Variants in WHRN observed in about 807,000 individuals in gnomAD.
WHRN encodes the protein CASK-interacting protein CIP98.
WHRN carries 41 observed loss-of-function variants against 68.3 expected under a neutral mutation model. The ratio of observed to expected loss-of-function variants is 0.60; its 90% CI spans 0.47 to 0.78. The LOEUF is 0.78. Among genes scored for constraint, WHRN ranks in the 30% least tolerant of loss-of-function variants. WHRN has a pLI of 0.00. For missense variants in WHRN, 1,243 were observed against 1,244.7 expected (o/e 1.00, Z 0.02); for synonymous variants, 560 against 561.3 (o/e 1.00, Z 0.03).
At chr9:114,442,764 A>T (rs568634347) in intron 3 of WHRN, among the ~76,000 whole-genome samples, 19 of 152,284 alleles carry the variant, frequency 1.2e-4, no homozygotes, top group African/African-American at 4.6e-4. Context: ...AAGCTTCCTG[A>T]GGTCCTCACC....
intron 7 of WHRN, among the ~76,000 whole-genome samples, chr9:114,416,669 C>T (rs192416362): frequency 2.2e-4 from 34 of 152,308 alleles, no homozygotes; most frequent in African/African-American, 7.7e-4. Context: ...TCAATTAAAC[C>T]TCTTTTCTTC....
rs143763650 is a variant in WHRN, at chr9:114,403,930, C to T, written c.2384G>A (p.Arg795Gln). 2.2e-4 allele frequency: 360 copies of T among 1,611,128 alleles called. 4 individuals are homozygous for T. Among genetic ancestry groups the T allele is most frequent in the South Asian group, 2.1e-3 (191 of 91,074 alleles). ...TKSRSSKELP[R>Q]NERPTDGANK... ...GGCCCCATCTGTGGGCCTCTCGTTC[C>T]GAGGCAGCTCCTTGCTACTCCTGCT... Residue 795 changes from arginine to glutamine, a missense_variant, in exon 10 of 12, where the codon CGG (arginine) becomes CAG (glutamine). By Grantham distance (43) the Arg-to-Gln change is conservative. Coordinates refer to ENST00000362057, the MANE Select transcript of WHRN (RefSeq NM_015404.4).
intron 2 of WHRN, among the ~76,000 whole-genome samples, chr9:114,476,537 C>T (rs954736592): frequency 3.9e-5 from 6 of 152,084 alleles, no homozygotes; most frequent in African/African-American, 1.2e-4. Flanking sequence ...ACTTTCTACC[C>T]GGCTCCTGAT....
At chr9:114,464,147 A>G (rs760762250) in intron 3 of WHRN, among the ~76,000 whole-genome samples, 9 of 152,246 alleles carry the variant, frequency 5.9e-5, no homozygotes, top group Non-Finnish European at 1.0e-4. Context: ...TGGTGCTAAC[A>G]ACAGAACCTA....
At chr9:114,496,160 G>C (rs1843438686) in intron 1 of WHRN, among the ~76,000 whole-genome samples, 1 of 152,092 alleles carries the variant, frequency 6.6e-6, no homozygotes, top group Non-Finnish European at 1.5e-5. Flanking sequence ...AGGGTCCCTG[G>C]GGAGGCCATC....
At chr9:114,497,943 C>T (rs1188838665) in intron 1 of WHRN, among the ~76,000 whole-genome samples, 4 of 152,142 alleles carry the variant, frequency 2.6e-5, no homozygotes, top group African/African-American at 7.2e-5. Flanking sequence ...AGAGATGTCA[C>T]GTGAACTGCC....
chr9:114,460,724 C>T (rs926257699), intron 3 of WHRN, among the ~76,000 whole-genome samples: 1 of 152,178 alleles, frequency 6.6e-6, no homozygotes, highest in Non-Finnish European at 1.5e-5. Context: ...ATCCCCCGCC[C>T]CAGACTCAAA....
chr9:114,449,841 T>C (rs1839166326), intron 3 of WHRN, among the ~76,000 whole-genome samples: 1 of 152,208 alleles, frequency 6.6e-6, no homozygotes, highest in African/African-American at 2.4e-5. Flanking sequence ...CCATTTCTTT[T>C]TGGTTGCTTA....
In WHRN at chr9:114,402,916, G is replaced by A. The variant is rs772831300; in HGVS notation, c.2562C>T (p.Asn854=). ...CGTGGCCCACCTTGAGCTGCCCACA[G>A]TTGTGAGCTGAGCCGCCTCTCTGCA... The part of the protein sequence containing the change: ...VTIQRGGSAH[N]CGQLKVGHVI... Residue 854 remains asparagine (N), a synonymous_variant, in exon 12 of 12, where the codon AAC becomes AAT. Transcript: ENST00000362057. The A allele has an allele frequency of 9.9e-6, 16 of 1,612,270 alleles. No homozygotes were observed. In the South Asian group the frequency reaches 1.8e-4, roughly 18 times the overall value.
At chr9:114,503,040 T>C (rs1340395116) in intron 1 of WHRN, 2 of 798,456 alleles carry the variant, frequency 2.5e-6, no homozygotes, top group Non-Finnish European at 3.0e-6. Flanking sequence ...AAGGGGTTGA[T>C]GGGCTGGGAA....
rs139671370 is a variant in WHRN at position 114,416,571 on chromosome 9, C to T, written c.1626+6743G>A. On this transcript the variant is annotated intron_variant, in intron 7 of 11. Coordinates refer to ENST00000362057, the MANE Select transcript of WHRN (RefSeq NM_015404.4). ...TCCTCCTCCAGCCATGTAAGATGTG[C>T]CTGCTTCCCCTTCAAACTTCCACCA... 2.6e-3 allele frequency among the ~76,000 whole-genome samples: 396 copies of T among 152,250 alleles called. 1 individual carries two copies. The highest frequency in any genetic ancestry group is 4.0e-3 in the Non-Finnish European group (270 of 68,024).
chr9:114,406,718 G>C lies in WHRN; in HGVS notation c.1873C>G (p.Gln625Glu), dbSNP rs770373771. 1.2e-6 allele frequency: 2 copies of C among 1,614,142 alleles called. No individual in the cohort carries two copies. Among genetic ancestry groups the C allele is most frequent in the Non-Finnish European group, 1.7e-6 (2 of 1,180,032 alleles). ...SCSGTVFSAP[Q>E]NRSPPAGTAP... ...GTGCCCGCTGGCGGGCTGCGGTTCT[G>C]TGGAGCCGAGAAGACAGTGCCCGAG... Residue 625 changes from glutamine (Q) to glutamate (E), a missense_variant, in exon 9 of 12, where the codon CAG (glutamine) becomes GAG (glutamate). Physicochemically the swap from Gln to Glu is conservative, Grantham distance 29 (BLOSUM62 2). Coordinates refer to ENST00000362057, the MANE Select transcript of WHRN (RefSeq NM_015404.4).
chr9:114,478,097 C>G (rs1472335158), intron 2 of WHRN, among the ~76,000 whole-genome samples: 2 of 151,630 alleles, frequency 1.3e-5, no homozygotes, highest in Non-Finnish European at 2.9e-5. Flanking sequence ...TATTCTGTTA[C>G]ATGACGGAGA....
intron 3 of WHRN, among the ~76,000 whole-genome samples, chr9:114,462,647 C>T (rs558474215): frequency 5.3e-5 from 8 of 152,282 alleles, no homozygotes; most frequent in East Asian, 3.9e-4. Flanking sequence ...GACTGACAGG[C>T]GCTATACCAT....
intron 3 of WHRN, among the ~76,000 whole-genome samples, chr9:114,434,681 C>T (rs1837699242): frequency 6.6e-6 from 1 of 152,222 alleles, no homozygotes; most frequent in African/African-American, 2.4e-5. Context: ...CCCAGCTGTC[C>T]TTGTCTCTCA....
intron 7 of WHRN, among the ~76,000 whole-genome samples, chr9:114,420,590 G>A (rs1160224187): frequency 1.3e-5 from 2 of 152,162 alleles, no homozygotes; most frequent in Admixed American, 1.3e-4. Flanking sequence ...TCTGTGGAAG[G>A]GAGCTCTGGA....
chr9:114,434,124 A>G (rs941540725), intron 3 of WHRN, among the ~76,000 whole-genome samples: 3 of 72,700 alleles, frequency 4.1e-5, no homozygotes, highest in Non-Finnish European at 8.2e-5. Flanking sequence ...CAAACACAGA[A>G]AGAATAACAA....
At chr9:114,413,543 G>A (rs1350523595) in intron 7 of WHRN, among the ~76,000 whole-genome samples, 4 of 152,206 alleles carry the variant, frequency 2.6e-5, no homozygotes, top group Admixed American at 6.5e-5. Flanking sequence ...TGCAGGTGGC[G>A]ACGGGGAATC....
intron 1 of WHRN, among the ~76,000 whole-genome samples, chr9:114,483,206 G>A (rs1175506699): frequency 6.6e-6 from 1 of 152,140 alleles, no homozygotes; most frequent in East Asian, 1.9e-4. Flanking sequence ...CGAAACTGAT[G>A]ATAAACAAGA....
Sources: gnomAD v4.1 joint callset for allele counts (sites outside exome capture counted in the v4.1 genomes callset) on GRCh38, gnomAD v4.1.1 for gene constraint, MANE v1.5 for transcripts, NCBI Gene and HGNC (gene_info 2026-07-23, HGNC 2026-07-21) for gene names.